The following LUZP1 variants were observed in gnomAD, a reference collection of about 807,000 sequenced individuals.
LUZP1 encodes the protein filamin mechanobinding actin cross-linking protein.
LUZP1 carries 25 observed loss-of-function variants against 71.3 expected under a neutral mutation model. That is an observed-to-expected ratio of 0.35 (90% CI 0.26 to 0.49). The LOEUF (loss-of-function observed/expected upper bound fraction) is 0.49. LUZP1 is among the 20% of genes least tolerant of loss of function. The pLI is 0.99. For synonymous variants in LUZP1, 481 were observed against 506.4 expected (o/e 0.95, Z 0.67); for missense variants, 1,142 against 1,300.8 (o/e 0.88, Z 1.88).
intron 2 of LUZP1, among the ~76,000 whole-genome samples, chr1:23,132,982 C>T (rs182326497): frequency 4.5e-4 from 68 of 152,248 alleles, no homozygotes; most frequent in South Asian, 1.2e-3. Context: ...ACCACTAAAA[C>T]GCAAGAAATA....
intron 2 of LUZP1, among the ~76,000 whole-genome samples, chr1:23,117,330 C>T (rs1335777547): frequency 6.6e-6 from 1 of 152,156 alleles, no homozygotes; most frequent in East Asian, 1.9e-4. Flanking sequence ...CTTCATGGGA[C>T]TGTTGTAAGG....
intron 2 of LUZP1, among the ~76,000 whole-genome samples, chr1:23,120,722 C>T (rs1275917490): frequency 6.6e-6 from 1 of 152,142 alleles, no homozygotes; most frequent in African/African-American, 2.4e-5. Flanking sequence ...ACTCTCAATC[C>T]TTAATAATGA....
intron 3 of LUZP1, among the ~76,000 whole-genome samples, chr1:23,106,968 C>T (rs1643987503): frequency 6.6e-6 from 1 of 152,226 alleles, no homozygotes; most frequent in African/African-American, 2.4e-5. Context: ...GGCTGTAAGG[C>T]CCTACATGAT....
intron 2 of LUZP1, among the ~76,000 whole-genome samples, chr1:23,146,237 C>T (rs1644341934): frequency 6.6e-6 from 1 of 152,068 alleles, no homozygotes; most frequent in Admixed American, 6.5e-5. Flanking sequence ...AGGATGGTCT[C>T]GATCTCTTGA....
At chr1:23,134,015 T>C (rs1360783737) in intron 2 of LUZP1, among the ~76,000 whole-genome samples, 1 of 152,222 alleles carries the variant, frequency 6.6e-6, no homozygotes, top group Non-Finnish European at 1.5e-5. Flanking sequence ...TAGAAAGGAC[T>C]GCTCTAGATC....
At chr1:23,117,512 G>T (rs1290355978) in intron 2 of LUZP1, among the ~76,000 whole-genome samples, 1 of 72,168 alleles carries the variant, frequency 1.4e-5, no homozygotes, top group African/African-American at 7.2e-5. Flanking sequence ...AGCCCTGGGG[G>T]GGGGGGCGGG....
intron 2 of LUZP1, among the ~76,000 whole-genome samples, chr1:23,160,539 G>T (rs1034846663): frequency 6.6e-6 from 1 of 152,076 alleles, no homozygotes; most frequent in Non-Finnish European, 1.5e-5. Context: ...TCTCTATATC[G>T]CCGGAAGCAG....
At chr1:23,115,669 T>TA (rs1644071966) in intron 2 of LUZP1, among the ~76,000 whole-genome samples, 2 of 152,040 alleles carry the variant, frequency 1.3e-5, no homozygotes, top group Admixed American at 1.3e-4. Context: ...GCCTCCCGAG[T>TA]AGCTGGGATT....
At chr1:23,118,404 AAATT>A (rs2124660311) in intron 2 of LUZP1, among the ~76,000 whole-genome samples, 1 of 152,306 alleles carries the variant, frequency 6.6e-6, no homozygotes, top group East Asian at 1.9e-4. Flanking sequence ...TCTCAAAAAA[AAATT>A]AAAATTAAAA....
chr1:23,092,651 A>G, exon 4 of LUZP1: 6 of 1,614,214 alleles, frequency 3.7e-6, no homozygotes, highest in Non-Finnish European at 5.1e-6. Context: ...TGCCAAAGAC[A>G]GTCTCAGAGG....
In LUZP1 at chr1:23,094,050, C is replaced by A; in HGVS notation, c.212G>T (p.Arg71Leu). 1 of 1,614,196 alleles carries A rather than the reference C, an allele frequency of 6.2e-7. No homozygotes were observed. The highest frequency in any genetic ancestry group is 8.5e-7 in the Non-Finnish European group (1 of 1,180,034). ...GTCTTTGCCTTCAATTCTCAGCACCCGCTGGCGCAGCACTTCAATCTCCGC... is the reference window on the plus strand; with the variant it reads ...GTCTTTGCCTTCAATTCTCAGCACCAGCTGGCGCAGCACTTCAATCTCCGC... The change falls in exon 4 of 5, where the codon CGG (arginine) becomes CTG (leucine). Residue 71 changes from arginine (R) to leucine (L), a missense_variant. Arg to Leu is a moderately radical substitution (Grantham distance 102, BLOSUM62 -2). Transcript: ENST00000302291. This position sits in a 1 kb window ranked among gnomAD's most constrained non-coding sequence, Gnocchi z 4.7.
chr1:23,169,886 C>T (rs765283679), intron 1 of LUZP1, among the ~76,000 whole-genome samples: 1 of 152,138 alleles, frequency 6.6e-6, no homozygotes, highest in Non-Finnish European at 1.5e-5. Flanking sequence ...CATGGTTGGT[C>T]TCTTGAGACA....
intron 2 of LUZP1, among the ~76,000 whole-genome samples, chr1:23,153,874 C>T (rs749491009): frequency 1.3e-5 from 2 of 152,128 alleles, no homozygotes; most frequent in Admixed American, 6.5e-5. Context: ...GAGGTTGAGG[C>T]TGCAGCCCCC....
exon 4 of LUZP1, chr1:23,092,124 A>G (rs1287234478): frequency 1.9e-6 from 3 of 1,614,148 alleles, no homozygotes; most frequent in Admixed American, 3.3e-5. Context: ...TTCATTCTCC[A>G]TTCCAGCATC....
rs1487901968 is a variant in LUZP1, at chr1:23,135,490, AG to A, written c.-225-26364del. Among the ~76,000 whole-genome samples, 9 of 152,220 alleles carry A rather than the reference AG, an allele frequency of 5.9e-5. No homozygotes were observed. The East Asian group carries it at 1.7e-3, about 29-fold the overall frequency. On this transcript the variant is annotated intron_variant, in intron 2 of 4. Coordinates refer to ENST00000302291, the Ensembl canonical transcript of LUZP1. Reference sequence around the variant, plus strand: ...AGAATTGTATTTGTGATTCCAACATAGTTGCATATTCTATTGAAGATTCAGA... The same window carrying A: ...AGAATTGTATTTGTGATTCCAACATATTGCATATTCTATTGAAGATTCAGA...
At chr1:23,156,572 A>G (rs1188297978) in intron 2 of LUZP1, among the ~76,000 whole-genome samples, 1 of 152,208 alleles carries the variant, frequency 6.6e-6, no homozygotes, top group East Asian at 1.9e-4. Flanking sequence ...ACATTAATAC[A>G]ACCTAATGTT....
chr1:23,117,858 G>A (rs909874925), intron 2 of LUZP1, among the ~76,000 whole-genome samples: 2 of 152,022 alleles, frequency 1.3e-5, no homozygotes, highest in South Asian at 2.1e-4. Flanking sequence ...TTGGGAGGCC[G>A]AGGCGGGCAG....
intron 2 of LUZP1, among the ~76,000 whole-genome samples, chr1:23,145,362 T>A (rs1437347264): frequency 1.3e-5 from 2 of 152,148 alleles, no homozygotes; most frequent in Non-Finnish European, 2.9e-5. Flanking sequence ...CATAACACAA[T>A]AATAATAGGT....
At chr1:23,091,565 G>T (rs760334676) in exon 4 of LUZP1, 1 of 1,614,170 alleles carries the variant, frequency 6.2e-7, no homozygotes, top group East Asian at 2.2e-5. Context: ...TTTTCCACCT[G>T]ATTGTCTCCG....
Sources: allele counts gnomAD v4.1 joint callset (sites outside exome capture counted in the v4.1 genomes callset), GRCh38; gene constraint gnomAD v4.1.1; non-coding constraint Gnocchi (gnomAD v3.1); transcripts MANE v1.5; gene names NCBI Gene and HGNC (gene_info 2026-07-23, HGNC 2026-07-21).